Variants in PCDHGC3 observed in about 807,000 individuals in gnomAD.
PCDHGC3 encodes protocadherin gamma-C3.
A neutral mutation model predicts 59.2 loss-of-function variants in PCDHGC3; 26 were observed. The ratio of observed to expected loss-of-function variants is 0.44; its 90% confidence interval spans 0.32 to 0.61. PCDHGC3 has a LOEUF of 0.61. Among genes scored for constraint, PCDHGC3 ranks in the 20% least tolerant of loss-of-function variants. The probability of loss-of-function intolerance (pLI) is 0.05; values close to 1 mark genes in which losing one functional copy is unlikely to be tolerated. For synonymous variants in PCDHGC3, 487 were observed against 519.7 expected (o/e 0.94, Z 0.86); for missense variants, 1,080 against 1,221.8 (o/e 0.88, Z 1.73).
intron 2 of PCDHGC3, among the ~76,000 whole-genome samples, chr5:141,504,750 A>C (rs921495017): frequency 6.6e-6 from 1 of 151,894 alleles, no homozygotes; most frequent in Admixed American, 6.5e-5. Context: ...ATTGAATTTT[A>C]GAAATTTCTT....
At chr5:141,499,698 T>C (rs1312388510) in intron 2 of PCDHGC3, among the ~76,000 whole-genome samples, 2 of 149,810 alleles carry the variant, frequency 1.3e-5, no homozygotes, top group African/African-American at 2.5e-5. Context: ...ACTTTTTTTT[T>C]TTTTTTTTTT....
In PCDHGC3 at chr5:141,486,474, C is replaced by T. The variant is rs1594589698; in HGVS notation, c.2430+7928C>T. On this transcript the variant is annotated intron_variant, in intron 1 of 3. Transcript: ENST00000308177. This position sits in a 1 kb window ranked among gnomAD's most constrained non-coding sequence, Gnocchi z 5.0. ...ACTGCTTCTGATGCTGGGAACCCTCCTCTCAGTACCCACAGAACTATTTTC... is the reference window on the plus strand; with the variant it reads ...ACTGCTTCTGATGCTGGGAACCCTCTTCTCAGTACCCACAGAACTATTTTC... 1 of 1,614,016 alleles carries T rather than the reference C, an allele frequency of 6.2e-7. No homozygotes were observed. Among genetic ancestry groups the T allele is most frequent in the South Asian group, 1.1e-5 (1 of 91,082 alleles).
intron 2 of PCDHGC3, among the ~76,000 whole-genome samples, chr5:141,500,788 A>T (rs1379810633): frequency 2.6e-5 from 4 of 152,198 alleles, no homozygotes; most frequent in Admixed American, 6.5e-5. Context: ...ATATTATTTT[A>T]CAGAATAAGT....
intron 1 of PCDHGC3, among the ~76,000 whole-genome samples, chr5:141,483,834 A>G (rs2154580001): frequency 6.6e-6 from 1 of 152,212 alleles, no homozygotes; most frequent in South Asian, 2.1e-4. Flanking sequence ...CTAGGTAAGG[A>G]CTTGGTTGAA....
intron 1 of PCDHGC3, chr5:141,479,290 T>C (rs1045200175): frequency 1.3e-5 from 2 of 152,438 alleles, no homozygotes; most frequent in Non-Finnish European, 2.9e-5. Flanking sequence ...AAAATAAATC[T>C]AGGCAACCCA....
At chr5:141,484,317 T>C (rs939085863) in intron 1 of PCDHGC3, among the ~76,000 whole-genome samples, 1 of 152,220 alleles carries the variant, frequency 6.6e-6, no homozygotes, top group Non-Finnish European at 1.5e-5. Context: ...CCCGCTTCCA[T>C]ACTGTCCTTG....
chr5:141,480,122 C>T (rs576224922), intron 1 of PCDHGC3, among the ~76,000 whole-genome samples: 1 of 151,948 alleles, frequency 6.6e-6, no homozygotes, highest in African/African-American at 2.4e-5. Flanking sequence ...CCTGGCATAT[C>T]ATAACTGTTA....
intron 2 of PCDHGC3, among the ~76,000 whole-genome samples, chr5:141,504,563 C>G (rs1036149640): frequency 3.3e-5 from 5 of 149,436 alleles, no homozygotes; most frequent in African/African-American, 1.2e-4. Context: ...GACTGGCATT[C>G]TAGGGAACAC....
Position 141,487,226 on chromosome 5 carries a change from G to A in PCDHGC3, c.2431-7581G>A. ...TCGAGAATCTTCAGCTCCAAGGGAA[G>A]GAGAATCTCGTCTAACCCTCTACTT... is the stretch of plus-strand genomic sequence containing the variant. On this transcript the variant is annotated intron_variant, in intron 1 of 3. Transcript: ENST00000308177. This position sits in a 1 kb window ranked among gnomAD's most constrained non-coding sequence, Gnocchi z 5.0. The A allele has an allele frequency of 6.2e-7, 1 of 1,614,104 alleles. No individual in the cohort carries two copies. Among genetic ancestry groups the A allele is most frequent in the South Asian group, 1.1e-5 (1 of 91,074 alleles).
rs1301352900 is a variant in PCDHGC3, at chr5:141,491,765, A to T, written c.2431-3042A>T. ...GGCACTGGAGAAGCCGCCCGTCCTC[A>T]TAAGGGATTGAACTTGCATCCACTC... On this transcript the variant is annotated intron_variant, in intron 1 of 3. Transcript: ENST00000308177. The surrounding 1 kb of genome is among the most constrained non-coding windows in gnomAD (Gnocchi z 6.9). 1.3e-6 allele frequency: 2 copies of T among 1,569,228 alleles called. No individual in the cohort carries two copies. Among genetic ancestry groups the T allele is most frequent in the Non-Finnish European group, 1.7e-6 (2 of 1,158,736 alleles).
At chr5:141,488,784 T>C (rs116057353) in intron 1 of PCDHGC3, among the ~76,000 whole-genome samples, 1 of 152,248 alleles carries the variant, frequency 6.6e-6, no homozygotes, top group African/African-American at 2.4e-5. Flanking sequence ...TTGTATCACT[T>C]TGTCTTCCCT....
chr5:141,511,730 T>C lies in PCDHGC3; in HGVS notation c.*557T>C, dbSNP rs772107999. 5.1e-5 allele frequency: 9 copies of C among 177,790 alleles called. No homozygotes were observed. The highest frequency in any genetic ancestry group is 5.3e-5 in the Admixed American group (1 of 18,706). The allele number at this position is 177,790 out of a possible 1,614,324, so 11.0% of individuals were successfully genotyped here. On this transcript the variant is annotated 3_prime_UTR_variant, in exon 4 of 4. Transcript: ENST00000308177. ...ACCTCCTTCCAGAGCCCAAGATCAA[T>C]GCTCAAGTTTTGGAGGACATGATCA...
At chr5:141,497,354 A>G (rs1430368474) in intron 2 of PCDHGC3, among the ~76,000 whole-genome samples, 1 of 152,054 alleles carries the variant, frequency 6.6e-6, no homozygotes, top group Non-Finnish European at 1.5e-5. Flanking sequence ...AGCCCCACCA[A>G]CTGCCTCTCA....
chr5:141,489,915 C>T lies in PCDHGC3; in HGVS notation c.2431-4892C>T, dbSNP rs971312502. On this transcript the variant is annotated intron_variant, in intron 1 of 3. Coordinates refer to ENST00000308177, the MANE Select transcript of PCDHGC3 (RefSeq NM_002588.4). This position sits in a 1 kb window ranked among gnomAD's most constrained non-coding sequence, Gnocchi z 4.5. ...GGGGGACCCCAGCCCGCTCAGGGAC[C>T]ACCCTTATCTCTGTCATCGTGCTGG... The T allele has an allele frequency of 6.2e-7, 1 of 1,614,242 alleles. No individual in the cohort carries two copies. Among genetic ancestry groups the T allele is most frequent in the Non-Finnish European group, 8.5e-7 (1 of 1,180,044 alleles).
At chr5:141,500,188 ATT>A (rs2099797463) in intron 2 of PCDHGC3, among the ~76,000 whole-genome samples, 1 of 98,146 alleles carries the variant, frequency 1.0e-5, no homozygotes, top group African/African-American at 5.1e-5. Flanking sequence ...TTTTATTTTT[ATT>A]TATTTATTTA....
chr5:141,489,610 C>G lies in PCDHGC3; in HGVS notation c.2431-5197C>G, dbSNP rs142775705. 3,083 of 1,614,088 alleles carry G rather than the reference C, an allele frequency of 1.9e-3. 6 individuals are homozygous for G. Among genetic ancestry groups the G allele is most frequent in the Non-Finnish European group, 2.4e-3 (2,793 of 1,179,988 alleles). ...GCTAATCCGTGTAGAGGTAGAGATC[C>G]TGGATCTCAATGACAACTCTCCTAG... On this transcript the variant is annotated intron_variant, in intron 1 of 3. Transcript: ENST00000308177. The surrounding 1 kb of genome is among the most constrained non-coding windows in gnomAD (Gnocchi z 4.5).
chr5:141,508,026 T>A (rs972124070), intron 3 of PCDHGC3: 3 of 152,314 alleles, frequency 2.0e-5, no homozygotes, highest in African/African-American at 7.2e-5. Context: ...GGCTGCGGTT[T>A]GCAGCTCAGC....
chr5:141,498,197 A>C (rs1191884415), intron 2 of PCDHGC3, among the ~76,000 whole-genome samples: 1 of 152,246 alleles, frequency 6.6e-6, no homozygotes. Flanking sequence ...AACCAGCTAA[A>C]GAAAAGAAGG....
intron 3 of PCDHGC3, among the ~76,000 whole-genome samples, chr5:141,509,745 T>C (rs1456852988): frequency 6.6e-6 from 1 of 152,186 alleles, no homozygotes; most frequent in East Asian, 1.9e-4. Context: ...TCTGAGCCTG[T>C]GCCTAAAGTG....
Sources: gnomAD v4.1 joint callset for allele counts (sites outside exome capture counted in the v4.1 genomes callset) on GRCh38, gnomAD v4.1.1 for gene constraint, Gnocchi (gnomAD v3.1) non-coding constraint, MANE v1.5 for transcripts, NCBI Gene and HGNC (gene_info 2026-07-23, HGNC 2026-07-21) for gene names.